The following FRMD5 variants were observed in gnomAD, a reference collection of about 807,000 sequenced individuals.
FRMD5 encodes the protein FERM domain containing 5, also known as FERM domain-containing protein 5.
In FRMD5, 20 loss-of-function variants were observed where a neutral mutation model predicts 69.0. That is an observed-to-expected ratio of 0.29 (90% CI 0.20 to 0.42). The LOEUF (loss-of-function observed/expected upper bound fraction) is 0.42, where lower values mean the gene tolerates loss of function less well. FRMD5 is among the 10% of genes least tolerant of loss of function. The pLI, the probability that FRMD5 is intolerant of heterozygous loss-of-function variation, is 1.00. For synonymous variants in FRMD5, 271 were observed against 260.1 expected, an observed-to-expected ratio of 1.04 and a Z score of -0.40; for missense variants, 595 against 708.6, an observed-to-expected ratio of 0.84 and a Z score of 1.82.
intron 1 of FRMD5, among the ~76,000 whole-genome samples, chr15:44,012,895 T>G (rs1428301380): frequency 1.3e-5 from 2 of 151,668 alleles, no homozygotes; most frequent in Non-Finnish European, 2.9e-5. Context: ...GCCTCCCAAG[T>G]AGCTGGGATT....
intron 1 of FRMD5, among the ~76,000 whole-genome samples, chr15:44,031,586 A>G (rs1237290145): frequency 6.6e-6 from 1 of 152,058 alleles, no homozygotes; most frequent in Non-Finnish European, 1.5e-5. Flanking sequence ...TGAGTACTCT[A>G]TCCTCATGAC....
At chr15:43,946,662 G>T (rs2089952306) in intron 1 of FRMD5, among the ~76,000 whole-genome samples, 1 of 152,164 alleles carries the variant, frequency 6.6e-6, no homozygotes, top group South Asian at 2.1e-4. Flanking sequence ...GAAGGTTTGG[G>T]ATCTGGGTCG....
chr15:44,119,357 G>A (rs2076914697), intron 1 of FRMD5, among the ~76,000 whole-genome samples: 1 of 152,120 alleles, frequency 6.6e-6, no homozygotes, highest in Non-Finnish European at 1.5e-5. Context: ...CAAGATCCAT[G>A]TAAAGGGAGG....
At chr15:44,058,613 C>T (rs1892965788) in intron 1 of FRMD5, among the ~76,000 whole-genome samples, 1 of 151,928 alleles carries the variant, frequency 6.6e-6, no homozygotes, top group Non-Finnish European at 1.5e-5. Flanking sequence ...AGTGAAACCC[C>T]GTCTCTACTA....
rs57462426 is a variant in FRMD5 at position 44,057,137 on chromosome 15, ATTT to A, written c.103-132831_103-132829del. On this transcript the variant is annotated intron_variant, in intron 1 of 13. Coordinates refer to ENST00000417257, the MANE Select transcript of FRMD5 (RefSeq NM_032892.5). ...CCTCTTTGCTCTTATGAACTGTTCT[ATTT>A]TTTTTTTTTTTTCTCACTCTGTTGC... 4.4e-3 allele frequency among the ~76,000 whole-genome samples: 648 copies of A among 146,970 alleles called. 2 individuals carry two copies. Among genetic ancestry groups the A allele is most frequent in the East Asian group, 0.019 (98 of 5,038 alleles).
chr15:43,905,342 G>T (rs1391999979), intron 6 of FRMD5, among the ~76,000 whole-genome samples: 1 of 151,974 alleles, frequency 6.6e-6, no homozygotes, highest in Non-Finnish European at 1.5e-5. Flanking sequence ...TCACCATGTT[G>T]GCCAGGCTGG....
At chr15:43,927,955 T>C (rs1167700312) in intron 1 of FRMD5, among the ~76,000 whole-genome samples, 1 of 152,216 alleles carries the variant, frequency 6.6e-6, no homozygotes, top group African/African-American at 2.4e-5. Context: ...CGAGTTCAGA[T>C]GCACTTGTAA....
At chr15:44,172,124 T>C (rs1394349617) in intron 1 of FRMD5, among the ~76,000 whole-genome samples, 1 of 150,374 alleles carries the variant, frequency 6.7e-6, no homozygotes, top group Non-Finnish European at 1.5e-5. Context: ...AGGGCCTTGC[T>C]CTGTCACCTA....
intron 1 of FRMD5, among the ~76,000 whole-genome samples, chr15:44,128,823 A>C (rs747030664): frequency 6.6e-6 from 1 of 152,142 alleles, no homozygotes; most frequent in Non-Finnish European, 1.5e-5. Flanking sequence ...AAATAGGGAA[A>C]TTAAAGGAGC....
intron 2 of FRMD5, among the ~76,000 whole-genome samples, chr15:43,920,017 C>T (rs1208706163): frequency 6.6e-6 from 1 of 152,224 alleles, no homozygotes. Context: ...GGAATAGTTC[C>T]AGCTTCAGAT....
intron 1 of FRMD5, among the ~76,000 whole-genome samples, chr15:44,127,725 A>C (rs1483454584): frequency 6.6e-6 from 1 of 152,012 alleles, no homozygotes; most frequent in Non-Finnish European, 1.5e-5. Flanking sequence ...AAATACAAAA[A>C]TTAGCTGGGC....
rs555121012 is a variant in FRMD5 at position 44,060,600 on chromosome 15, T to C, written c.102+134353A>G. Among the ~76,000 whole-genome samples the C allele has an allele frequency of 3.9e-5, 6 of 152,306 alleles. No homozygotes were observed. In the South Asian group the frequency reaches 1.2e-3, roughly 32 times the overall value. On this transcript the variant is annotated intron_variant, in intron 1 of 13. Coordinates refer to ENST00000417257, the MANE Select transcript of FRMD5 (RefSeq NM_032892.5). ...GCAGAAATAATAAAATCCTCAACTA[T>C]ACAGCACACTTATTTTTTTAGTCCC...
intron 1 of FRMD5, among the ~76,000 whole-genome samples, chr15:43,948,091 G>A (rs1304697169): frequency 6.6e-6 from 1 of 152,084 alleles, no homozygotes. Flanking sequence ...CCACAATCCC[G>A]CCCACTTAAA....
At chr15:44,050,050 T>C (rs1892590101) in intron 1 of FRMD5, among the ~76,000 whole-genome samples, 1 of 152,194 alleles carries the variant, frequency 6.6e-6, no homozygotes, top group African/African-American at 2.4e-5. Flanking sequence ...CACAATAAAT[T>C]TTAGTTTAGT....
At chr15:44,090,522 C>T (rs754109551) in intron 1 of FRMD5, among the ~76,000 whole-genome samples, 2 of 151,966 alleles carry the variant, frequency 1.3e-5, no homozygotes, top group Admixed American at 6.6e-5. Flanking sequence ...TCACTACAAC[C>T]TCTACCTTCT....
At chr15:43,960,781 C>T (rs2090186300) in intron 1 of FRMD5, among the ~76,000 whole-genome samples, 1 of 152,160 alleles carries the variant, frequency 6.6e-6, no homozygotes, top group Non-Finnish European at 1.5e-5. Context: ...TAAGAAATAG[C>T]TCAGCAATAA....
rs1466964358 is a variant in FRMD5 at position 43,876,206 on chromosome 15, C to T, written c.1136-1744G>A. The stretch of plus-strand genomic sequence containing the variant: ...CACTCCCAGAGGCTGCACCCCCTTT[C>T]CCCGCTTTTCCAGAACCACTTTTTC... On this transcript the variant is annotated intron_variant, in intron 13 of 13. Coordinates refer to ENST00000417257, the MANE Select transcript of FRMD5 (RefSeq NM_032892.5). 23 of 1,594,802 alleles carry T rather than the reference C, an allele frequency of 1.4e-5. No individual in the cohort carries two copies. The East Asian group carries it at 3.4e-4, about 23-fold the overall frequency.
intron 1 of FRMD5, among the ~76,000 whole-genome samples, chr15:44,056,718 T>C (rs575447061): frequency 6.6e-6 from 1 of 152,260 alleles, no homozygotes; most frequent in Admixed American, 6.5e-5. Flanking sequence ...AAGGATGACT[T>C]CAGAAACCTA....
intron 1 of FRMD5, among the ~76,000 whole-genome samples, chr15:43,951,417 A>G (rs1484779068): frequency 4.3e-5 from 6 of 138,750 alleles, no homozygotes; most frequent in Admixed American, 3.4e-4. Flanking sequence ...GTGAGACTCC[A>G]TCTCAAAAAA....
Sources: gnomAD v4.1 joint callset for allele counts (sites outside exome capture counted in the v4.1 genomes callset) on GRCh38, gnomAD v4.1.1 for gene constraint, MANE v1.5 for transcripts, NCBI Gene and HGNC (gene_info 2026-07-23, HGNC 2026-07-21) for gene names.